Variants in MYH9 observed in about 807,000 individuals in gnomAD.
The protein encoded by MYH9 is myosin-9.
MYH9 carries 29 observed loss-of-function variants against 241.9 expected under a neutral mutation model. The observed-to-expected ratio is 0.12, with a 90% CI of 0.09 to 0.16. The LOEUF (loss-of-function observed/expected upper bound fraction) is 0.16. Among genes scored for constraint, MYH9 ranks in the 10% least tolerant of loss-of-function variants. MYH9 has a pLI of 1.00. For missense variants in MYH9, 1,803 were observed against 2,595.5 expected, an observed-to-expected ratio of 0.69 and a Z score of 6.63; for synonymous variants, 1,047 against 1,062.6, an observed-to-expected ratio of 0.99 and a Z score of 0.29.
At chr22:36,307,599 G>A (rs967583897) in intron 15 of MYH9, among the ~76,000 whole-genome samples, 1 of 152,222 alleles carries the variant, frequency 6.6e-6, no homozygotes, top group Non-Finnish European at 1.5e-5. Context: ...CAATTAAAAT[G>A]GGAGGTGGCT....
rs1242997679 is a variant in MYH9 at position 36,329,278 on chromosome 22, AAC to A, written c.491-1792_491-1791del. On this transcript the variant is annotated intron_variant, in intron 3 of 40. Transcript: ENST00000216181. This position sits in a 1 kb window ranked among gnomAD's most constrained non-coding sequence, Gnocchi z 4.1. ...TTACTCCCCCTTGCCTTTCTCAAAA[AAC>A]ACGAGTCCTTCAAGCCTGCACAGCG... 9.0e-6 allele frequency among the ~76,000 whole-genome samples: 1 copy of A among 110,792 alleles called. No individual in the cohort carries two copies. Among genetic ancestry groups the A allele is most frequent in the African/African-American group, 2.6e-5 (1 of 37,814 alleles). 72.7% of individuals were successfully genotyped at this position (110,792 alleles called of 152,430 possible). A position where few individuals can be genotyped will look rare whatever the true frequency, so the allele number is the denominator to read the frequency against.
chr22:36,321,361 G>A (rs578013176), intron 7 of MYH9, among the ~76,000 whole-genome samples: 1 of 152,148 alleles, frequency 6.6e-6, no homozygotes, highest in South Asian at 2.1e-4. Context: ...CACCTTCAAG[G>A]GGCATGGCAT....
chr22:36,358,150 C>T lies in MYH9; in HGVS notation c.-19-8895G>A, dbSNP rs370862554. Among the ~76,000 whole-genome samples, 13 of 152,290 alleles carry T rather than the reference C, an allele frequency of 8.5e-5. No homozygotes were observed. In the East Asian group the frequency reaches 2.1e-3, roughly 25 times the overall value. On this transcript the variant is annotated intron_variant, in intron 1 of 40. Coordinates refer to ENST00000216181, the MANE Select transcript of MYH9 (RefSeq NM_002473.6). The stretch of plus-strand genomic sequence containing the variant: ...CGTGATCTTGGCTCACTGCAACCTC[C>T]ACCTCCCCGGTTCAAGCAATTCTCC...
chr22:36,374,473 T>C (rs1205161905), intron 1 of MYH9, among the ~76,000 whole-genome samples: 1 of 152,192 alleles, frequency 6.6e-6, no homozygotes, highest in Non-Finnish European at 1.5e-5. Context: ...TGAGCCAAGA[T>C]TGTGACAGTA....
At chr22:36,345,889 C>CT (rs1487122111) in intron 2 of MYH9, among the ~76,000 whole-genome samples, 1 of 152,186 alleles carries the variant, frequency 6.6e-6, no homozygotes, top group Non-Finnish European at 1.5e-5. Flanking sequence ...TGGCTCACGC[C>CT]TGTAATCCCA....
chr22:36,305,792 TG>T lies in MYH9; in HGVS notation c.2159+137del. 1.6e-6 allele frequency: 2 copies of T among 1,257,206 alleles called. No individual in the cohort carries two copies. The highest frequency in any genetic ancestry group is 1.2e-5 in the South Asian group (1 of 83,546). The allele number at this position is 1,257,206 out of a possible 1,614,324, so 77.9% of individuals were successfully genotyped here. A position where few individuals can be genotyped will look rare whatever the true frequency, so the allele number is the denominator to read the frequency against. ...AAAAGAGAAGGAGGTGGGGAAGAGC[TG>T]GCCAGACTCAGTTCTACATGGATGG... On this transcript the variant is annotated intron_variant, in intron 17 of 40. Coordinates refer to ENST00000216181, the MANE Select transcript of MYH9 (RefSeq NM_002473.6). This position sits in a 1 kb window ranked among gnomAD's most constrained non-coding sequence, Gnocchi z 4.7.
Position 36,294,250 on chromosome 22 carries a change from C to A in MYH9, c.3679G>T (p.Gly1227Trp). Residue 1227 changes from glycine to tryptophan, a missense_variant, in exon 28 of 41, where the codon GGG becomes TGG. This residue lies in a region of MYH9 where 876 missense variants were observed against 1,077.8 expected (regional missense o/e 0.81). Coordinates refer to ENST00000216181, the MANE Select transcript of MYH9 (RefSeq NM_002473.6). ...ACCTTCACCTCGTTGGCCAGCTCCCCCCGCTCGTTCTCCAGAGTCTGCTTT... is the reference window on the plus strand; with the variant it reads ...ACCTTCACCTCGTTGGCCAGCTCCCACCGCTCGTTCTCCAGAGTCTGCTTT... ...KAKQTLENER[G>W]ELANEVKVLL... 2 of 1,614,140 alleles carry A rather than the reference C, an allele frequency of 1.2e-6. No homozygotes were observed. Among genetic ancestry groups the A allele is most frequent in the Non-Finnish European group, 1.7e-6 (2 of 1,180,034 alleles).
At chr22:36,365,807 T>A (rs1378906303) in intron 1 of MYH9, among the ~76,000 whole-genome samples, 2 of 152,168 alleles carry the variant, frequency 1.3e-5, no homozygotes, top group African/African-American at 4.8e-5. Context: ...AATACAAACA[T>A]GTCTAACAAA....
chr22:36,309,352 G>T lies in MYH9; in HGVS notation c.1773C>A (p.Pro591=). 1 of 1,614,182 alleles carries T rather than the reference G, an allele frequency of 6.2e-7. No individual in the cohort carries two copies. Among genetic ancestry groups the T allele is most frequent in the Admixed American group, 1.7e-5 (1 of 60,014 alleles). The part of the protein sequence containing the change: ...ADEWLMKNMD[P]LNDNIATLLH... Reference sequence around the variant, plus strand: ...GCAGTGTGGCGATGTTGTCATTCAGGGGATCCATGTTCTTCATCAGCCACT... The same window carrying T: ...GCAGTGTGGCGATGTTGTCATTCAGTGGATCCATGTTCTTCATCAGCCACT... The change falls in exon 15 of 41, where the codon CCC becomes CCA. Residue 591 remains proline, a synonymous_variant. Coordinates refer to ENST00000216181, the MANE Select transcript of MYH9 (RefSeq NM_002473.6).
At chr22:36,341,347 T>C (rs772373156) in intron 3 of MYH9, 23 bp downstream of exon 3, 3 of 1,612,826 alleles carry the variant, frequency 1.9e-6, no homozygotes, top group Admixed American at 1.7e-5. Context: ...CAGCCCCAGG[T>C]GGGCACACAC....
intron 14 of MYH9, among the ~76,000 whole-genome samples, chr22:36,310,483 C>G (rs1195151429): frequency 2.6e-5 from 4 of 152,244 alleles, no homozygotes; most frequent in Non-Finnish European, 5.9e-5. Flanking sequence ...ACCCAGAGAG[C>G]ATCAGGGACC....
intron 2 of MYH9, among the ~76,000 whole-genome samples, chr22:36,347,158 T>C (rs1403974362): frequency 1.3e-5 from 2 of 152,086 alleles, no homozygotes; most frequent in Non-Finnish European, 2.9e-5. Flanking sequence ...CTGGGATGCA[T>C]AAATGCTCAT....
Position 36,285,597 on chromosome 22 carries a change from G to C in MYH9, c.5274+61C>G, listed in dbSNP as rs1420054050. ...CTGTGCTTCTGCCGGCTGGGTCCAA[G>C]GCCAGCTCTGCCGTGGTGGCTCCAG... On this transcript the variant is annotated intron_variant, in intron 37 of 40. Transcript: ENST00000216181. The surrounding 1 kb of genome is among the most constrained non-coding windows in gnomAD (Gnocchi z 7.0). 1 of 1,606,722 alleles carries C rather than the reference G, an allele frequency of 6.2e-7. No homozygotes were observed. Among genetic ancestry groups the C allele is most frequent in the East Asian group, 2.2e-5 (1 of 44,810 alleles).
intron 1 of MYH9, among the ~76,000 whole-genome samples, chr22:36,385,834 T>A (rs2018343464): frequency 6.6e-6 from 1 of 152,208 alleles, no homozygotes; most frequent in Non-Finnish European, 1.5e-5. Flanking sequence ...TCCATGTTTT[T>A]AATTACCCCC....
intron 14 of MYH9, among the ~76,000 whole-genome samples, chr22:36,311,678 G>A (rs2017065808): frequency 6.6e-6 from 1 of 152,178 alleles, no homozygotes. Context: ...GATCAGAGAG[G>A]TTAAGTAACT....
intron 14 of MYH9, among the ~76,000 whole-genome samples, chr22:36,309,854 G>T (rs2017031964): frequency 6.6e-6 from 1 of 152,118 alleles, no homozygotes; most frequent in Non-Finnish European, 1.5e-5. Flanking sequence ...CATCTTTTTG[G>T]AAATATATTC....
intron 1 of MYH9, among the ~76,000 whole-genome samples, chr22:36,357,873 AT>A (rs1342512484): frequency 6.6e-6 from 1 of 152,216 alleles, no homozygotes; most frequent in Non-Finnish European, 1.5e-5. Flanking sequence ...TGAATACCCA[AT>A]TTAAAAGTAA....
At chr22:36,362,603 C>T (rs1451124611) in intron 1 of MYH9, among the ~76,000 whole-genome samples, 1 of 152,078 alleles carries the variant, frequency 6.6e-6, no homozygotes, top group African/African-American at 2.4e-5. Flanking sequence ...ATTATCCCGC[C>T]TCAGCTGGGA....
At chr22:36,317,676 A>C (rs929762639) in intron 11 of MYH9, among the ~76,000 whole-genome samples, 3 of 152,242 alleles carry the variant, frequency 2.0e-5, no homozygotes, top group Non-Finnish European at 4.4e-5. Context: ...AGAGAGGCAG[A>C]AAGCGGTCCG....
Sources: allele counts gnomAD v4.1 joint callset (sites outside exome capture counted in the v4.1 genomes callset), GRCh38; gene constraint gnomAD v4.1.1; regional missense constraint gnomAD v4.1.1; non-coding constraint Gnocchi (gnomAD v3.1); transcripts MANE v1.5; gene names NCBI Gene and HGNC (gene_info 2026-07-23, HGNC 2026-07-21).